The following ELSPBP1 variants were observed in gnomAD, a reference collection of about 807,000 sequenced individuals.
The protein encoded by ELSPBP1 is epididymal sperm binding protein 1.
ELSPBP1 carries 38 observed loss-of-function variants against 33.3 expected under a neutral mutation model. The ratio of observed to expected loss-of-function variants is 1.14; its 90% CI spans 0.88 to 1.50. The LOEUF (loss-of-function observed/expected upper bound fraction) is 1.50, where lower values mean the gene tolerates loss of function less well. Ranked by LOEUF, ELSPBP1 falls within the 40% of genes most tolerant of loss-of-function variation. The pLI is 0.00. For synonymous variants in ELSPBP1, 85 were observed against 94.1 expected (o/e 0.90, Z 0.56); for missense variants, 267 against 263.5 (o/e 1.01, Z -0.09).
chr19:48,006,621 CAAAAAA>C (rs1190341508), intron 1 of ELSPBP1, among the ~76,000 whole-genome samples: 108 of 20,858 alleles, frequency 5.2e-3, no homozygotes, highest in African/African-American at 0.017. Context: ...GACCCTGTCT[CAAAAAA>C]AAAAAAAAAA....
chr19:48,005,105 C>T (rs7254788), intron 1 of ELSPBP1, among the ~76,000 whole-genome samples: 62,848 of 151,566 alleles, frequency 0.41, 13,438 homozygotes, highest in African/African-American at 0.51. Context: ...ACTTGGGAGG[C>T]TGAGGTGGGA....
At chr19:48,016,512 CTTTCTTTCTTTCTTT>C in intron 4 of ELSPBP1, among the ~76,000 whole-genome samples, 6 of 89,274 alleles carry the variant, frequency 6.7e-5, no homozygotes, top group African/African-American at 1.2e-4. Flanking sequence ...TTCTTTCTTT[CTTTCTTTCTTTCTTT>C]CTTCCTTCCT....
rs780292149 is a variant in ELSPBP1 at position 48,022,180 on chromosome 19, G to A, written c.525G>A (p.Ala175=). The change falls in exon 6 of 7, where the codon GCG becomes GCA. Residue 175 remains alanine (A), a synonymous_variant. Transcript: ENST00000339841. ...CCTTCTGCTTCCTAGGAATTTCCGC[G>A]TTGGTCCCTGGCTTTCCTTGTCACT... The part of the protein sequence containing the change: ...WSFCADTRIS[A]LVPGFPCHFP... The A allele has an allele frequency of 1.6e-5, 26 of 1,611,984 alleles. No individual in the cohort carries two copies. The highest frequency in any genetic ancestry group is 1.7e-5 in the Admixed American group (1 of 59,746).
chr19:48,016,554 TC>T (rs767808419), intron 4 of ELSPBP1, among the ~76,000 whole-genome samples: 1,930 of 116,296 alleles, frequency 0.017, 37 homozygotes, highest in Non-Finnish European at 0.026. Flanking sequence ...CTTCCTTCCT[TC>T]CTTCCTTCCT....
At chr19:48,018,812 C>T (rs1451014192) in intron 4 of ELSPBP1, among the ~76,000 whole-genome samples, 1 of 152,094 alleles carries the variant, frequency 6.6e-6, no homozygotes, top group East Asian at 1.9e-4. Flanking sequence ...AAAAAGCCTG[C>T]TAATTAGGCA....
rs781277227 is a variant in ELSPBP1, at chr19:48,007,864, C to T, written c.-17-787C>T. Among the ~76,000 whole-genome samples, 70 of 152,158 alleles carry T rather than the reference C, an allele frequency of 4.6e-4. 1 individual carries two copies. Among genetic ancestry groups the T allele is most frequent in the Admixed American group, 1.3e-4 (2 of 15,270 alleles). On this transcript the variant is annotated intron_variant, in intron 1 of 6. Transcript: ENST00000339841. ...TGCATCTATAAAATGGGGGTTAAAACATGTATTACTTGATTTATGAAAGCC... is the reference window on the plus strand; with the variant it reads ...TGCATCTATAAAATGGGGGTTAAAATATGTATTACTTGATTTATGAAAGCC...
In ELSPBP1 at chr19:48,014,401, T is replaced by C. The variant is rs553201139; in HGVS notation, c.208+93T>C. 103 of 1,446,676 alleles carry C rather than the reference T, an allele frequency of 7.1e-5. 1 individual carries two copies. In the Middle Eastern group the frequency reaches 2.2e-3, roughly 30 times the overall value. 89.6% of individuals were successfully genotyped at this position (1,446,676 alleles called of 1,614,324 possible). A position where few individuals can be genotyped will look rare whatever the true frequency, so the allele number is the denominator to read the frequency against. ...ACTGTCTATGACATGATCACATTTT[T>C]GCAGACAAACGGTAATACGTATGCG... On this transcript the variant is annotated intron_variant, in intron 3 of 6. Transcript: ENST00000339841.
At chr19:48,001,379 C>CGAA (rs1966966103) in intron 1 of ELSPBP1, among the ~76,000 whole-genome samples, 2 of 148,520 alleles carry the variant, frequency 1.3e-5, no homozygotes, top group Non-Finnish European at 3.0e-5. Context: ...GACGTGGTTT[C>CGAA]ACCATGTTGG....
chr19:48,014,021 T>G, intron 2 of ELSPBP1, 150 bp from the exon 3 acceptor site: 1 of 867,314 alleles, frequency 1.2e-6, no homozygotes, highest in Non-Finnish European at 1.8e-6. Flanking sequence ...ACCATGACCG[T>G]GGGGGTTAGG....
intron 2 of ELSPBP1, among the ~76,000 whole-genome samples, chr19:48,009,710 A>T (rs1967058068): frequency 2.0e-5 from 3 of 152,112 alleles, no homozygotes; most frequent in Admixed American, 2.0e-4. Context: ...TTTTAAAAAA[A>T]GTGTGTATTT....
intron 3 of ELSPBP1, 44 bp from the exon 4 acceptor site, chr19:48,015,849 C>T (rs769463059): frequency 7.7e-6 from 12 of 1,556,174 alleles, no homozygotes; most frequent in Admixed American, 5.1e-5. Flanking sequence ...GTCCTGTGAA[C>T]GACTAGAGGA....
At position 47,994,684 on chromosome 19, in the gene ELSPBP1, T is replaced by G. The variant is rs10409288; in HGVS notation, c.-145T>G. ...AAGAACCCTCCTTTGAGAAGCTGCC[T>G]TTGTGTCCTACAGACAGGCTGGGGC... On this transcript the variant is annotated 5_prime_UTR_variant, in exon 1 of 7. Coordinates refer to ENST00000339841, the MANE Select transcript of ELSPBP1 (RefSeq NM_022142.5). 101,336 of 152,226 alleles carry G rather than the reference T, an allele frequency of 0.67. 33,949 individuals are homozygous for G. Among genetic ancestry groups the G allele is most frequent in the African/African-American group, 0.73 (30,152 of 41,498 alleles). 9.4% of individuals were successfully genotyped at this position (152,226 alleles called of 1,614,324 possible).
chr19:48,023,848 T>A (rs1252852136), intron 6 of ELSPBP1, among the ~76,000 whole-genome samples: 2 of 151,224 alleles, frequency 1.3e-5, no homozygotes, highest in Admixed American at 6.6e-5. Flanking sequence ...CTTCTTTCTT[T>A]ATTTTTTTCT....
intron 1 of ELSPBP1, among the ~76,000 whole-genome samples, chr19:48,004,935 T>A (rs12976048): frequency 0.51 from 78,312 of 152,120 alleles, 20,489 homozygotes; most frequent in African/African-American, 0.6. Context: ...ACAGTGGCTC[T>A]TGCCTGTAAT....
intron 2 of ELSPBP1, among the ~76,000 whole-genome samples, chr19:48,013,753 G>C (rs762731746): frequency 6.6e-6 from 1 of 151,284 alleles, no homozygotes; most frequent in African/African-American, 2.4e-5. Flanking sequence ...AATTTAAAAA[G>C]TACCATTGAC....
chr19:48,019,532 C>T (rs1051234464), intron 4 of ELSPBP1, among the ~76,000 whole-genome samples, 187 bp from the exon 5 acceptor site: 1 of 152,046 alleles, frequency 6.6e-6, no homozygotes, highest in Non-Finnish European at 1.5e-5. Flanking sequence ...AAGCTGTGCA[C>T]GAGTTGATAG....
intron 2 of ELSPBP1, among the ~76,000 whole-genome samples, chr19:48,012,358 T>C (rs937630416): frequency 6.6e-6 from 1 of 152,032 alleles, no homozygotes; most frequent in East Asian, 1.9e-4. Flanking sequence ...CTTGAAGCGA[T>C]CCGCCCACCT....
At chr19:48,001,932 A>G (rs1966972270) in intron 1 of ELSPBP1, among the ~76,000 whole-genome samples, 2 of 151,988 alleles carry the variant, frequency 1.3e-5, no homozygotes, top group African/African-American at 4.8e-5. Flanking sequence ...CCTGGGCTTG[A>G]GTGATCCTCC....
chr19:47,995,174 C>A (rs1404024779), intron 1 of ELSPBP1, among the ~76,000 whole-genome samples: 1 of 152,132 alleles, frequency 6.6e-6, no homozygotes, highest in Non-Finnish European at 1.5e-5. Context: ...GCTCAAGAAC[C>A]AGAAGTAGCT....
Sources: allele counts gnomAD v4.1 joint callset (sites outside exome capture counted in the v4.1 genomes callset), GRCh38; gene constraint gnomAD v4.1.1; transcripts MANE v1.5; gene names NCBI Gene and HGNC (gene_info 2026-07-23, HGNC 2026-07-21).